Variants in CTNND2 observed in about 807,000 individuals in gnomAD.
CTNND2 encodes catenin delta 2.
CTNND2 carries 22 observed loss-of-function variants against 144.4 expected under a neutral mutation model. The ratio of observed to expected loss-of-function variants is 0.15; its 90% CI spans 0.11 to 0.22. The LOEUF (loss-of-function observed/expected upper bound fraction) is 0.22. CTNND2 is among the 10% of genes least tolerant of loss of function. CTNND2 has a pLI of 1.00. For missense variants in CTNND2, 1,353 were observed against 1,618.8 expected (o/e 0.84, Z 2.82); for synonymous variants, 751 against 695.6 (o/e 1.08, Z -1.25).
At chr5:11,800,707 A>C (rs1291517537) in intron 1 of CTNND2, among the ~76,000 whole-genome samples, 1 of 152,216 alleles carries the variant, frequency 6.6e-6, no homozygotes, top group East Asian at 1.9e-4. Flanking sequence ...TGAGATAATT[A>C]GGCAGAACAG....
At chr5:11,058,315 C>G (rs1447505317) in intron 16 of CTNND2, among the ~76,000 whole-genome samples, 5 of 152,150 alleles carry the variant, frequency 3.3e-5, no homozygotes, top group African/African-American at 1.2e-4. Context: ...GGTCCTCATG[C>G]TTTGTGCAGC....
chr5:11,861,954 C>T (rs186205843), intron 1 of CTNND2, among the ~76,000 whole-genome samples: 2 of 152,270 alleles, frequency 1.3e-5, no homozygotes, highest in Non-Finnish European at 2.9e-5. Flanking sequence ...CTCAATGTAA[C>T]CTACCCTGAC....
chr5:11,820,144 G>A lies in CTNND2; in HGVS notation c.37+83673C>T, dbSNP rs1350303134. 3.9e-5 allele frequency among the ~76,000 whole-genome samples: 6 copies of A among 152,166 alleles called. No homozygotes were observed. In the East Asian group the frequency reaches 7.7e-4, roughly 20 times the overall value. On this transcript the variant is annotated intron_variant, in intron 1 of 21. Coordinates refer to ENST00000304623, the MANE Select transcript of CTNND2 (RefSeq NM_001332.4). Reference sequence around the variant, plus strand: ...TTCTGTCTGAGATGGACTCAGATACGAAACCCCATAGCATAACCTGTTAAT... The same window carrying A: ...TTCTGTCTGAGATGGACTCAGATACAAAACCCCATAGCATAACCTGTTAAT...
chr5:11,411,328 T>C (rs1239497383), intron 5 of CTNND2, among the ~76,000 whole-genome samples: 1 of 152,158 alleles, frequency 6.6e-6, no homozygotes, highest in African/African-American at 2.4e-5. Context: ...TGCCAACTAC[T>C]GACTTAAAAG....
intron 1 of CTNND2, among the ~76,000 whole-genome samples, chr5:11,845,993 A>G (rs1794718409): frequency 6.6e-6 from 1 of 152,216 alleles, no homozygotes; most frequent in Admixed American, 6.5e-5. Context: ...CATAAATCAC[A>G]GCCTAGCACA....
intron 1 of CTNND2, among the ~76,000 whole-genome samples, chr5:11,737,226 C>T (rs1048429538): frequency 6.6e-6 from 1 of 152,126 alleles, no homozygotes; most frequent in Non-Finnish European, 1.5e-5. Context: ...GTTAACCACA[C>T]GGATCTCCAT....
chr5:11,350,042 C>G (rs1276731184), intron 8 of CTNND2, among the ~76,000 whole-genome samples: 1 of 152,114 alleles, frequency 6.6e-6, no homozygotes, highest in African/African-American at 2.4e-5. Flanking sequence ...GAGGCTGAGA[C>G]AGGAGAATTG....
intron 1 of CTNND2, among the ~76,000 whole-genome samples, chr5:11,782,384 G>C (rs1790588337): frequency 7.3e-6 from 1 of 136,450 alleles, no homozygotes; most frequent in Admixed American, 7.8e-5. Flanking sequence ...TACTACGTTT[G>C]AAATTTTTAA....
chr5:11,168,879 T>G (rs541532965), intron 11 of CTNND2, among the ~76,000 whole-genome samples: 1 of 151,856 alleles, frequency 6.6e-6, no homozygotes, highest in South Asian at 2.1e-4. Flanking sequence ...ACTATCTGAT[T>G]AAAAAAAAGT....
intron 12 of CTNND2, among the ~76,000 whole-genome samples, chr5:11,137,115 G>C (rs996799124): frequency 1.3e-5 from 2 of 152,204 alleles, no homozygotes; most frequent in African/African-American, 4.8e-5. Flanking sequence ...TTGTTGAATT[G>C]AAAAGACATA....
chr5:11,609,281 G>C (rs1228558422), intron 2 of CTNND2, among the ~76,000 whole-genome samples: 1 of 152,146 alleles, frequency 6.6e-6, no homozygotes, highest in African/African-American at 2.4e-5. Flanking sequence ...TGTGGTTTAA[G>C]AACTATGCCT....
chr5:11,856,943 A>G (rs1293721473), intron 1 of CTNND2, among the ~76,000 whole-genome samples: 1 of 152,224 alleles, frequency 6.6e-6, no homozygotes, highest in African/African-American at 2.4e-5. Context: ...TTTCAAAATT[A>G]TCAAATTCCC....
chr5:11,351,184 C>T (rs115338311), intron 8 of CTNND2, among the ~76,000 whole-genome samples: 14 of 152,172 alleles, frequency 9.2e-5, no homozygotes, highest in African/African-American at 2.4e-4. Flanking sequence ...TCCTTATTTG[C>T]GTTTTAAAGC....
intron 3 of CTNND2, among the ~76,000 whole-genome samples, chr5:11,537,634 TAAG>T (rs1434059746): frequency 6.6e-6 from 1 of 152,122 alleles, no homozygotes; most frequent in African/African-American, 2.4e-5. Context: ...AATGATAAAA[TAAG>T]AAAGACATTC....
chr5:11,847,700 T>C (rs1794813611), intron 1 of CTNND2, among the ~76,000 whole-genome samples: 1 of 152,164 alleles, frequency 6.6e-6, no homozygotes, highest in Non-Finnish European at 1.5e-5. Flanking sequence ...TTGTTCATTA[T>C]ACTATGTAAA....
intron 20 of CTNND2, among the ~76,000 whole-genome samples, chr5:10,982,502 C>T (rs1234968918): frequency 6.6e-6 from 1 of 152,208 alleles, no homozygotes; most frequent in Non-Finnish European, 1.5e-5. Flanking sequence ...GCCTATTAGC[C>T]CACTTCCTTA....
At chr5:11,597,357 A>G (rs1779562527) in intron 2 of CTNND2, among the ~76,000 whole-genome samples, 1 of 152,166 alleles carries the variant, frequency 6.6e-6, no homozygotes, top group African/African-American at 2.4e-5. Flanking sequence ...AAAGGTCTTA[A>G]ATACTGAGTT....
chr5:11,790,380 C>T (rs1791068700), intron 1 of CTNND2, among the ~76,000 whole-genome samples: 1 of 152,114 alleles, frequency 6.6e-6, no homozygotes, highest in Admixed American at 6.6e-5. Context: ...TCTGAGTTGA[C>T]TGACAATGTC....
intron 2 of CTNND2, among the ~76,000 whole-genome samples, chr5:11,716,954 G>A (rs1405241296): frequency 1.3e-5 from 2 of 151,886 alleles, no homozygotes; most frequent in South Asian, 2.1e-4. Context: ...TGCAACCTCC[G>A]CCTCCCGGGT....
Sources: allele counts gnomAD v4.1 joint callset (sites outside exome capture counted in the v4.1 genomes callset), GRCh38; gene constraint gnomAD v4.1.1; transcripts MANE v1.5; gene names NCBI Gene and HGNC (gene_info 2026-07-23, HGNC 2026-07-21).